CSMD3: variants seen among roughly 807,000 people sequenced by gnomAD.
CSMD3 encodes CUB and sushi domain-containing protein 3.
Under a neutral mutation model 435.2 loss-of-function variants are expected in CSMD3, and 177 were observed. That is an observed-to-expected ratio of 0.41 (90% CI 0.36 to 0.46). CSMD3 has a LOEUF of 0.46. CSMD3 is among the 20% of genes least tolerant of loss of function. The pLI is 0.34. For missense variants in CSMD3, 4,265 were observed against 4,504.6 expected (o/e 0.95, Z 1.52); for synonymous variants, 1,656 against 1,520.5 (o/e 1.09, Z -2.07).
chr8:113,424,975 T>C (rs2094627892), intron 1 of CSMD3, among the ~76,000 whole-genome samples: 1 of 151,542 alleles, frequency 6.6e-6, no homozygotes, highest in Admixed American at 6.6e-5. Context: ...TGGTATTATA[T>C]ACACAGAAAG....
chr8:112,616,631 G>T (rs1008862180), intron 22 of CSMD3, among the ~76,000 whole-genome samples: 3 of 152,062 alleles, frequency 2.0e-5, no homozygotes, highest in Non-Finnish European at 4.4e-5. Context: ...ACAACACATG[G>T]ATTCAGACAG....
chr8:113,434,543 A>G (rs551510490), intron 1 of CSMD3, among the ~76,000 whole-genome samples: 4 of 152,214 alleles, frequency 2.6e-5, no homozygotes, highest in Non-Finnish European at 4.4e-5. Context: ...ATTTGGGGAC[A>G]GTATTCCAAG....
intron 12 of CSMD3, among the ~76,000 whole-genome samples, chr8:112,810,635 AC>A (rs1206128944): frequency 2.6e-5 from 4 of 152,174 alleles, no homozygotes; most frequent in African/African-American, 7.2e-5. Flanking sequence ...TTCAATCTGT[AC>A]CCTTAAGAGG....
At chr8:112,879,669 G>A (rs753103446) in intron 10 of CSMD3, among the ~76,000 whole-genome samples, 10 of 152,022 alleles carry the variant, frequency 6.6e-5, no homozygotes, top group Middle Eastern at 3.4e-3. Flanking sequence ...AAAATTTCTC[G>A]CTTTTATACT....
intron 13 of CSMD3, among the ~76,000 whole-genome samples, chr8:112,747,145 T>G (rs2077446137): frequency 6.8e-6 from 1 of 147,924 alleles, no homozygotes; most frequent in Non-Finnish European, 1.5e-5. Context: ...TTCTTTTATT[T>G]CACATCCATC....
rs536668474 is a variant in CSMD3 at position 112,517,317 on chromosome 8, T to G, written c.4565-92A>C. On this transcript the variant is annotated intron_variant, in intron 27 of 70. Transcript: ENST00000297405. ...GTTTTAGAAAATTAATTTTTAAAAT[T>G]TTGGGGTCAATTTTTAAATGCTATA... 5.8e-5 allele frequency: 52 copies of G among 900,220 alleles called. No individual in the cohort carries two copies. In the South Asian group the frequency reaches 6.5e-4, roughly 11 times the overall value. 55.8% of individuals were successfully genotyped at this position (900,220 alleles called of 1,614,324 possible).
intron 69 of CSMD3, among the ~76,000 whole-genome samples, chr8:112,230,605 A>G (rs569972297): frequency 6.6e-6 from 1 of 152,242 alleles, no homozygotes; most frequent in South Asian, 2.1e-4. Context: ...CCTGGCCAAC[A>G]TGGTGAAGCC....
At chr8:113,111,095 T>C (rs2090625384) in intron 4 of CSMD3, among the ~76,000 whole-genome samples, 1 of 152,128 alleles carries the variant, frequency 6.6e-6, no homozygotes, top group African/African-American at 2.4e-5. Flanking sequence ...TTTCAATGTA[T>C]GAATTTTGGG....
At chr8:112,751,839 G>T (rs540211665) in intron 13 of CSMD3, among the ~76,000 whole-genome samples, 3 of 151,520 alleles carry the variant, frequency 2.0e-5, no homozygotes, top group African/African-American at 4.9e-5. Flanking sequence ...TTTAAGTTTC[G>T]GGATACATAT....
At chr8:112,343,953 G>A (rs1362538251) in intron 41 of CSMD3, among the ~76,000 whole-genome samples, 3 of 152,030 alleles carry the variant, frequency 2.0e-5, no homozygotes, top group African/African-American at 7.3e-5. Context: ...CAAGATCTCC[G>A]CTCACTGCAG....
intron 7 of CSMD3, among the ~76,000 whole-genome samples, chr8:112,974,195 C>T (rs1200798717): frequency 1.3e-5 from 2 of 151,818 alleles, no homozygotes; most frequent in Non-Finnish European, 2.9e-5. Context: ...TATATGGAAC[C>T]ACCTTAAAAG....
rs1484225441 is a variant in CSMD3, at chr8:112,409,050, G to A, written c.5396-18C>T. The stretch of plus-strand genomic sequence containing the variant: ...AAACACCACTGATCAACAGGAACCC[G>A]GAGAAGCAAACAAATCACCAACCAT... On this transcript the variant is annotated intron_variant, in intron 32 of 70. Transcript: ENST00000297405. The A allele has an allele frequency of 5.0e-6, 8 of 1,612,444 alleles. No individual in the cohort carries two copies. The African/African-American group carries it at 5.4e-5, about 11-fold the overall frequency.
intron 1 of CSMD3, among the ~76,000 whole-genome samples, chr8:113,319,685 T>C (rs1307558743): frequency 6.6e-6 from 1 of 152,096 alleles, no homozygotes; most frequent in African/African-American, 2.4e-5. Flanking sequence ...AAAAAAGTTA[T>C]CATACTATTT....
chr8:112,429,151 G>C (rs748320199), intron 32 of CSMD3, among the ~76,000 whole-genome samples: 9 of 151,772 alleles, frequency 5.9e-5, no homozygotes, highest in Non-Finnish European at 1.3e-4. Flanking sequence ...TCTTATTATA[G>C]AACTAAAATT....
chr8:112,926,565 C>T (rs138166931), intron 9 of CSMD3, among the ~76,000 whole-genome samples: 74 of 152,146 alleles, frequency 4.9e-4, no homozygotes, highest in Non-Finnish European at 9.7e-4. Flanking sequence ...TGTTTAAGTG[C>T]TGTCATCTTT....
chr8:113,170,094 G>A (rs927829586), intron 4 of CSMD3, among the ~76,000 whole-genome samples: 4 of 152,108 alleles, frequency 2.6e-5, no homozygotes, highest in Admixed American at 1.3e-4. Flanking sequence ...TCATCAAGGA[G>A]AGACTCTACG....
At chr8:113,294,535 T>C (rs2093706114) in intron 2 of CSMD3, among the ~76,000 whole-genome samples, 1 of 152,098 alleles carries the variant, frequency 6.6e-6, no homozygotes, top group South Asian at 2.1e-4. Flanking sequence ...TCTCAATTAG[T>C]TTTGCTAAAT....
intron 9 of CSMD3, among the ~76,000 whole-genome samples, chr8:112,945,586 A>ATGTG (rs1491548273): frequency 7.0e-5 from 7 of 100,370 alleles, no homozygotes; most frequent in South Asian, 3.6e-4. Flanking sequence ...GAATACAGAA[A>ATGTG]TATGTGTGTG....
intron 12 of CSMD3, among the ~76,000 whole-genome samples, chr8:112,824,196 C>A (rs1451721538): frequency 6.6e-6 from 1 of 151,678 alleles, no homozygotes; most frequent in African/African-American, 2.4e-5. Flanking sequence ...CTATTTGTGT[C>A]TTTGCACATA....
Sources: gnomAD v4.1 joint callset for allele counts (sites outside exome capture counted in the v4.1 genomes callset) on GRCh38, gnomAD v4.1.1 for gene constraint, MANE v1.5 for transcripts, NCBI Gene and HGNC (gene_info 2026-07-23, HGNC 2026-07-21) for gene names.